PCDH9: variants seen among roughly 807,000 people sequenced by gnomAD.
The protein encoded by PCDH9 is protocadherin 9.
A neutral mutation model predicts 70.6 loss-of-function variants in PCDH9; 24 were observed. The observed-to-expected ratio is 0.34, with a 90% CI of 0.25 to 0.48. The LOEUF is 0.48. Among genes scored for constraint, PCDH9 ranks in the 20% least tolerant of loss-of-function variants. PCDH9 has a pLI of 0.99. For missense variants in PCDH9, 1,281 were observed against 1,503.6 expected (o/e 0.85, Z 2.45); for synonymous variants, 562 against 558.5 (o/e 1.01, Z -0.09).
intron 4 of PCDH9, among the ~76,000 whole-genome samples, chr13:66,330,190 C>G (rs940840092): frequency 2.0e-5 from 3 of 152,208 alleles, no homozygotes; most frequent in African/African-American, 7.2e-5. Context: ...ATAGTCTCTT[C>G]CTGTTTTTCT....
At chr13:66,461,347 G>T (rs1958420807) in intron 4 of PCDH9, among the ~76,000 whole-genome samples, 1 of 151,332 alleles carries the variant, frequency 6.6e-6, no homozygotes, top group African/African-American at 2.4e-5. Flanking sequence ...GTTCCTCTGG[G>T]ACACTATACA....
chr13:66,518,571 A>G (rs1158702390), intron 4 of PCDH9, among the ~76,000 whole-genome samples: 1 of 152,164 alleles, frequency 6.6e-6, no homozygotes, highest in Non-Finnish European at 1.5e-5. Flanking sequence ...GGTAGGGCTG[A>G]TAAGCAAGGA....
intron 2 of PCDH9, among the ~76,000 whole-genome samples, chr13:67,122,982 C>G (rs2086906049): frequency 6.6e-6 from 1 of 151,972 alleles, no homozygotes; most frequent in African/African-American, 2.4e-5. Flanking sequence ...AAAATAGTCA[C>G]ACTATAGAGC....
Position 66,809,307 on chromosome 13 carries a change from T to A in PCDH9, c.3138+94197A>T, listed in dbSNP as rs542601378. Among the ~76,000 whole-genome samples, 464 of 152,316 alleles carry A rather than the reference T, an allele frequency of 3.0e-3. 1 individual carries two copies. The highest frequency in any genetic ancestry group is 5.5e-3 in the Non-Finnish European group (375 of 68,036). On this transcript the variant is annotated intron_variant, in intron 3 of 4. Transcript: ENST00000377865. ...GGCTAGGTATAAAAATTACCGTGTA[T>A]ACAATATATTGAATATGTCTTACCT...
chr13:67,124,770 A>G (rs1847750171), intron 2 of PCDH9, among the ~76,000 whole-genome samples: 1 of 152,226 alleles, frequency 6.6e-6, no homozygotes, highest in Admixed American at 6.5e-5. Flanking sequence ...AAGAGGAGAC[A>G]GGAAAACAAA....
At chr13:66,410,352 G>A (rs144936299) in intron 4 of PCDH9, among the ~76,000 whole-genome samples, 2 of 152,250 alleles carry the variant, frequency 1.3e-5, no homozygotes, top group Admixed American at 1.3e-4. Flanking sequence ...GGAAATGGTT[G>A]AGAACAGCAA....
intron 4 of PCDH9, among the ~76,000 whole-genome samples, chr13:66,450,694 C>G (rs1958187460): frequency 6.6e-6 from 1 of 152,098 alleles, no homozygotes; most frequent in Non-Finnish European, 1.5e-5. Flanking sequence ...GCCAAAATTT[C>G]TATTAGCTTA....
chr13:66,675,283 G>A lies in PCDH9; in HGVS notation c.3139-43872C>T, dbSNP rs138885916. ...GACAGTTTCTTGTGCCTTTGTCCAC[G>A]GTTTGATTTTTATTTAAAAGCATAT... On this transcript the variant is annotated intron_variant, in intron 3 of 4. Coordinates refer to ENST00000377865, the MANE Select transcript of PCDH9 (RefSeq NM_203487.3). Among the ~76,000 whole-genome samples, 30 of 152,052 alleles carry A rather than the reference G, an allele frequency of 2.0e-4. No homozygotes were observed. In the East Asian group the frequency reaches 4.8e-3, roughly 24 times the overall value.
At chr13:66,472,221 AAAAAAAG>A (rs1958633569) in intron 4 of PCDH9, among the ~76,000 whole-genome samples, 1 of 151,132 alleles carries the variant, frequency 6.6e-6, no homozygotes, top group Admixed American at 6.6e-5. Context: ...CAAAAAAAAA[AAAAAAAG>A]AAAAAAGAAA....
intron 3 of PCDH9, among the ~76,000 whole-genome samples, chr13:66,790,459 C>T (rs1230230005): frequency 6.6e-6 from 1 of 152,042 alleles, no homozygotes; most frequent in East Asian, 1.9e-4. Flanking sequence ...ACCTTTTCTG[C>T]ATAATTTATA....
chr13:66,730,876 GT>G lies in PCDH9; in HGVS notation c.3139-99466del, dbSNP rs758928616. On this transcript the variant is annotated intron_variant, in intron 3 of 4. Transcript: ENST00000377865. ...TGTTTTTGTTTTTTTGTGTGTGTGT[GT>G]TTTTTTTTTGTTTGTTTCTTTTTTT... is the stretch of plus-strand genomic sequence containing the variant. Among the ~76,000 whole-genome samples, 19 of 46,358 alleles carry G rather than the reference GT, an allele frequency of 4.1e-4. 1 individual carries two copies. The highest frequency in any genetic ancestry group is 1.4e-3 in the South Asian group (1 of 702). 30.4% of individuals were successfully genotyped at this position (46,358 alleles called of 152,430 possible). A position where few individuals can be genotyped will look rare whatever the true frequency, so the allele number is the denominator to read the frequency against.
intron 3 of PCDH9, among the ~76,000 whole-genome samples, chr13:66,657,562 T>C (rs986432183): frequency 6.6e-6 from 1 of 152,202 alleles, no homozygotes; most frequent in African/African-American, 2.4e-5. Context: ...ACAAAAATTC[T>C]CATTCTCTGT....
intron 2 of PCDH9, among the ~76,000 whole-genome samples, chr13:67,085,841 A>G (rs2086096227): frequency 6.6e-6 from 1 of 152,228 alleles, no homozygotes; most frequent in Non-Finnish European, 1.5e-5. Context: ...TTTTCTTATT[A>G]GCCTAGTTAA....
intron 3 of PCDH9, among the ~76,000 whole-genome samples, chr13:66,837,582 A>C (rs1346099999): frequency 6.6e-6 from 1 of 152,076 alleles, no homozygotes; most frequent in Non-Finnish European, 1.5e-5. Flanking sequence ...CCTTCTCTAA[A>C]TTAAGTAACG....
chr13:66,872,910 A>G (rs368394156), intron 3 of PCDH9, among the ~76,000 whole-genome samples: 2 of 152,186 alleles, frequency 1.3e-5, no homozygotes, highest in East Asian at 3.8e-4. Context: ...GATGATGGCA[A>G]CATACACACT....
intron 3 of PCDH9, among the ~76,000 whole-genome samples, chr13:66,833,832 A>G (rs1014170959): frequency 1.3e-5 from 2 of 152,156 alleles, no homozygotes; most frequent in Admixed American, 1.3e-4. Flanking sequence ...TAAATTTGTA[A>G]TTTAAGCAAA....
At chr13:67,024,854 T>C (rs2084748297) in intron 2 of PCDH9, among the ~76,000 whole-genome samples, 1 of 152,138 alleles carries the variant, frequency 6.6e-6, no homozygotes, top group South Asian at 2.1e-4. Context: ...AAAATAACAT[T>C]TTCTGATTTA....
intron 4 of PCDH9, among the ~76,000 whole-genome samples, chr13:66,489,041 A>G (rs1195828974): frequency 1.3e-5 from 2 of 150,792 alleles, no homozygotes; most frequent in Non-Finnish European, 1.5e-5. Context: ...ATTCTTTGCT[A>G]TTTGCTAAGT....
At chr13:66,321,922 C>T (rs139952683) in intron 4 of PCDH9, among the ~76,000 whole-genome samples, 2 of 151,900 alleles carry the variant, frequency 1.3e-5, no homozygotes, top group African/African-American at 4.8e-5. Flanking sequence ...AGCTTCAGTG[C>T]CAATGGACTA....
Sources: gnomAD v4.1 joint callset for allele counts (sites outside exome capture counted in the v4.1 genomes callset) on GRCh38, gnomAD v4.1.1 for gene constraint, MANE v1.5 for transcripts, NCBI Gene and HGNC (gene_info 2026-07-23, HGNC 2026-07-21) for gene names.